ATXN10: variants seen among roughly 807,000 people sequenced by gnomAD.
ATXN10 encodes the protein ataxin 10, also known as ataxin-10.
A neutral mutation model predicts 52.9 loss-of-function variants in ATXN10; 28 were observed. The ratio of observed to expected loss-of-function variants is 0.53; its 90% CI spans 0.39 to 0.73. The LOEUF is 0.73. ATXN10 is among the 30% of genes least tolerant of loss of function. ATXN10 has a pLI of 0.00. For synonymous variants in ATXN10, 226 were observed against 221.5 expected (o/e 1.02, Z -0.18); for missense variants, 565 against 577.0 (o/e 0.98, Z 0.21).
rs1405600826 is a variant in ATXN10 at position 45,750,605 on chromosome 22, C to G, written c.1173+10067C>G. On this transcript the variant is annotated intron_variant, in intron 9 of 11. Transcript: ENST00000252934. This position sits in a 1 kb window ranked among gnomAD's most constrained non-coding sequence, Gnocchi z 4.2. ...TTTATTACTAGACCAATTAAAATCC[C>G]ACTGTGAAAAATAAGCCATAATTTT... is the stretch of plus-strand genomic sequence containing the variant. Among the ~76,000 whole-genome samples the G allele has an allele frequency of 1.3e-5, 2 of 151,888 alleles. No homozygotes were observed. Among genetic ancestry groups the G allele is most frequent in the Non-Finnish European group, 2.9e-5 (2 of 67,990 alleles).
rs1228916281 is a variant in ATXN10, at chr22:45,784,575, T to C, written c.1174-22384T>C. Among the ~76,000 whole-genome samples, 1 of 151,714 alleles carries C rather than the reference T, an allele frequency of 6.6e-6. No homozygotes were observed. The highest frequency in any genetic ancestry group is 1.5e-5 in the Non-Finnish European group (1 of 67,950). On this transcript the variant is annotated intron_variant, in intron 9 of 11. Transcript: ENST00000252934. The surrounding 1 kb of genome is among the most constrained non-coding windows in gnomAD (Gnocchi z 4.2). ...AGGTCTGTGCTAGGCTGTCAGGAGG[T>C]GTGGATGGCAGGCACGGGAGAAGGG...
chr22:45,747,641 CT>C (rs1304278957), intron 9 of ATXN10, among the ~76,000 whole-genome samples: 1 of 152,176 alleles, frequency 6.6e-6, no homozygotes, highest in Non-Finnish European at 1.5e-5. Flanking sequence ...GCTTATGAGA[CT>C]TTAGAGTTCA....
chr22:45,724,918 C>T (rs1215321907), intron 6 of ATXN10, among the ~76,000 whole-genome samples: 1 of 152,040 alleles, frequency 6.6e-6, no homozygotes. Context: ...GAGGTTCTTT[C>T]CCCAGTTTAT....
rs1289293286 is a variant in ATXN10, at chr22:45,819,893, T to G, written c.1237+12871T>G. 2.0e-5 allele frequency among the ~76,000 whole-genome samples: 3 copies of G among 152,204 alleles called. No individual in the cohort carries two copies. The highest frequency in any genetic ancestry group is 7.2e-5 in the African/African-American group (3 of 41,444). On this transcript the variant is annotated intron_variant, in intron 10 of 11. Transcript: ENST00000252934. The surrounding 1 kb of genome is among the most constrained non-coding windows in gnomAD (Gnocchi z 4.5). Reference sequence around the variant, plus strand: ...ATATTTTGTGAGACACTTGAGAGACTGGGTAGCCAAAGTTTGGCATAAAGG... The same window carrying G: ...ATATTTTGTGAGACACTTGAGAGACGGGGTAGCCAAAGTTTGGCATAAAGG...
intron 9 of ATXN10, among the ~76,000 whole-genome samples, chr22:45,799,544 A>G (rs555099861): frequency 2.6e-5 from 4 of 152,320 alleles, no homozygotes; most frequent in Non-Finnish European, 4.4e-5. Flanking sequence ...ACAGAGATCT[A>G]AAAACCAAGG....
rs1278388350 is a variant in ATXN10, at chr22:45,715,216, G to A, written c.648-3197G>A. 5.3e-5 allele frequency among the ~76,000 whole-genome samples: 8 copies of A among 152,166 alleles called. No individual in the cohort carries two copies. The highest frequency in any genetic ancestry group is 1.9e-4 in the African/African-American group (8 of 41,410). On this transcript the variant is annotated intron_variant, in intron 5 of 11. Transcript: ENST00000252934. This position sits in a 1 kb window ranked among gnomAD's most constrained non-coding sequence, Gnocchi z 4.4. ...AAATTTCCAAAGTGAAGCAGACCCA[G>A]TCTGTTGCCCACTGTTTAAAAACTG...
chr22:45,682,347 C>T (rs1313202504), intron 1 of ATXN10, among the ~76,000 whole-genome samples: 2 of 151,652 alleles, frequency 1.3e-5, no homozygotes, highest in African/African-American at 2.4e-5. Flanking sequence ...GACAGGGTCT[C>T]GCTCTGTCAC....
intron 3 of ATXN10, among the ~76,000 whole-genome samples, chr22:45,699,902 A>G (rs1386923532): frequency 2.0e-5 from 3 of 147,250 alleles, no homozygotes; most frequent in Non-Finnish European, 3.0e-5. Flanking sequence ...GCTGGAGTGC[A>G]GTGGCGTGAT....
intron 1 of ATXN10, among the ~76,000 whole-genome samples, chr22:45,680,382 A>G (rs78127745): frequency 0.085 from 12,918 of 152,260 alleles, 693 homozygotes; most frequent in Middle Eastern, 0.15. Context: ...CTCAATAACA[A>G]AGACATCAAT....
intron 9 of ATXN10, among the ~76,000 whole-genome samples, chr22:45,741,699 A>G (rs765434567): frequency 6.6e-6 from 1 of 152,162 alleles, no homozygotes; most frequent in Non-Finnish European, 1.5e-5. Context: ...GAAAAAAAAA[A>G]TAAGGGATAT....
intron 9 of ATXN10, among the ~76,000 whole-genome samples, chr22:45,760,249 C>T (rs1926335411): frequency 6.6e-6 from 1 of 152,150 alleles, no homozygotes; most frequent in African/African-American, 2.4e-5. Flanking sequence ...GTCAGGTTTC[C>T]TGCGGGCCAG....
chr22:45,738,923 T>G, intron 8 of ATXN10, 84 bp downstream of exon 8: 1 of 1,207,650 alleles, frequency 8.3e-7, no homozygotes, highest in Non-Finnish European at 1.2e-6. Flanking sequence ...TACAAATCCT[T>G]AATTTTCAGT....
chr22:45,725,035 C>T (rs1924812931), intron 6 of ATXN10, among the ~76,000 whole-genome samples: 1 of 152,160 alleles, frequency 6.6e-6, no homozygotes, highest in Non-Finnish European at 1.5e-5. Flanking sequence ...TATATCAGTA[C>T]AATCCTGTTT....
At position 45,786,973 on chromosome 22, in the gene ATXN10, T is replaced by C. The variant is rs529474314; in HGVS notation, c.1174-19986T>C. 6.6e-6 allele frequency among the ~76,000 whole-genome samples: 1 copy of C among 152,240 alleles called. No individual in the cohort carries two copies. The highest frequency in any genetic ancestry group is 1.5e-5 in the Non-Finnish European group (1 of 68,044). Reference sequence around the variant, plus strand: ...TAAAAAAAATTGTCTATATGGATGCTCATTGCATTGTTGGTGAAAATTTAG... The same window carrying C: ...TAAAAAAAATTGTCTATATGGATGCCCATTGCATTGTTGGTGAAAATTTAG... On this transcript the variant is annotated intron_variant, in intron 9 of 11. Transcript: ENST00000252934. This position sits in a 1 kb window ranked among gnomAD's most constrained non-coding sequence, Gnocchi z 4.1.
At chr22:45,729,791 G>C in intron 7 of ATXN10, 1 of 648,424 alleles carries the variant, frequency 1.5e-6, no homozygotes, top group South Asian at 1.6e-5. Context: ...AATGACTTAG[G>C]CAAATTCTGG....
chr22:45,734,987 C>T (rs1007809689), intron 7 of ATXN10, among the ~76,000 whole-genome samples: 1 of 151,576 alleles, frequency 6.6e-6, no homozygotes, highest in Non-Finnish European at 1.5e-5. Flanking sequence ...CAGGTTCAAG[C>T]GATTCTCCTG....
At chr22:45,746,037 T>C (rs1925713267) in intron 9 of ATXN10, among the ~76,000 whole-genome samples, 1 of 152,172 alleles carries the variant, frequency 6.6e-6, no homozygotes, top group African/African-American at 2.4e-5. Flanking sequence ...GCCATCGTTT[T>C]ATTTGATCCA....
rs983650442 is a variant in ATXN10, at chr22:45,718,078, G to C, written c.648-335G>C. Among the ~76,000 whole-genome samples, 1 of 152,050 alleles carries C rather than the reference G, an allele frequency of 6.6e-6. No homozygotes were observed. The highest frequency in any genetic ancestry group is 1.5e-5 in the Non-Finnish European group (1 of 67,986). ...ACTAAACCAATTTAATATGTTTTTT[G>C]TTTATACCTGATCTTGTTGCTAAAT... On this transcript the variant is annotated intron_variant, in intron 5 of 11. Transcript: ENST00000252934. This position sits in a 1 kb window ranked among gnomAD's most constrained non-coding sequence, Gnocchi z 4.4.
At position 45,841,725 on chromosome 22, in the gene ATXN10, T is replaced by G. The variant is rs1010656293; in HGVS notation, c.1238-1266T>G. 6.6e-6 allele frequency among the ~76,000 whole-genome samples: 1 copy of G among 152,234 alleles called. No homozygotes were observed. The highest frequency in any genetic ancestry group is 1.5e-5 in the Non-Finnish European group (1 of 68,044). On this transcript the variant is annotated intron_variant, in intron 10 of 11. Transcript: ENST00000252934. This position sits in a 1 kb window ranked among gnomAD's most constrained non-coding sequence, Gnocchi z 5.1. ...CTGTTGAATTAGGGAGAGAAACTGT[T>G]GGACTCATTTTCTTTCCCAAATACT...
Sources: gnomAD v4.1 joint callset for allele counts (sites outside exome capture counted in the v4.1 genomes callset) on GRCh38, gnomAD v4.1.1 for gene constraint, Gnocchi (gnomAD v3.1) non-coding constraint, MANE v1.5 for transcripts, NCBI Gene and HGNC (gene_info 2026-07-23, HGNC 2026-07-21) for gene names.